GPR39: variants seen among roughly 807,000 people sequenced by gnomAD.
GPR39 encodes zinc sensing receptor.
Under a neutral mutation model 18.4 loss-of-function variants are expected in GPR39, and 23 were observed. The ratio of observed to expected loss-of-function variants is 1.25; its 90% CI spans 0.90 to 1.77. The LOEUF (loss-of-function observed/expected upper bound fraction) is 1.77, where lower values mean the gene tolerates loss of function less well. Ranked by LOEUF, GPR39 falls within the 40% of genes most tolerant of loss-of-function variation. The pLI, the probability that GPR39 is intolerant of heterozygous loss-of-function variation, is 0.00. For missense variants in GPR39, 647 were observed against 602.4 expected, an observed-to-expected ratio of 1.07 and a Z score of -0.78; for synonymous variants, 280 against 257.9, an observed-to-expected ratio of 1.09 and a Z score of -0.82.
rs1257382578 is a variant in GPR39, at chr2:132,645,365, T to C, written c.1121T>C (p.Leu374Pro). 1 of 1,613,800 alleles carries C rather than the reference T, an allele frequency of 6.2e-7. No individual in the cohort carries two copies. Among genetic ancestry groups the C allele is most frequent in the South Asian group, 1.1e-5 (1 of 91,072 alleles). Residue 374 changes from leucine (L) to proline (P), a missense_variant, in exon 2 of 2, where the codon CTG (leucine) becomes CCG (proline). Leu to Pro is a moderately conservative substitution (Grantham distance 98). This residue lies in a region of GPR39 where 581 missense variants were observed against 506.8 expected (regional missense o/e 1.15). Transcript: ENST00000329321. ...CAGCACGCCAACCACGAGAAGCGCCTGCGCGTACATGCGCACTCCACCACC... is the reference window on the plus strand; with the variant it reads ...CAGCACGCCAACCACGAGAAGCGCCCGCGCGTACATGCGCACTCCACCACC... ...SLQHANHEKRLRVHAHSTTDS... is the reference protein window; with the variant it reads ...SLQHANHEKRPRVHAHSTTDS...
chr2:132,517,630 C>G lies in GPR39; in HGVS notation c.856+99732C>G, dbSNP rs79405580. Reference sequence around the variant, plus strand: ...CAAAGGAACTGCTTAGATATGGTTACAGCATGCTACTTCTCATGGTAAATT... The same window carrying G: ...CAAAGGAACTGCTTAGATATGGTTAGAGCATGCTACTTCTCATGGTAAATT... On this transcript the variant is annotated intron_variant, in intron 1 of 1. Transcript: ENST00000329321. 1.9e-4 allele frequency among the ~76,000 whole-genome samples: 29 copies of G among 152,296 alleles called. No individual in the cohort carries two copies. In the East Asian group the frequency reaches 5.2e-3, roughly 27 times the overall value.
intron 1 of GPR39, among the ~76,000 whole-genome samples, chr2:132,555,600 C>T (rs1057183215): frequency 2.0e-5 from 3 of 152,164 alleles, no homozygotes; most frequent in Non-Finnish European, 4.4e-5. Flanking sequence ...CCAATGGAAG[C>T]TTTGATGCCT....
At chr2:132,536,433 CTGTT>C (rs1394381555) in intron 1 of GPR39, among the ~76,000 whole-genome samples, 15 of 152,260 alleles carry the variant, frequency 9.9e-5, no homozygotes, top group Admixed American at 7.2e-4. Context: ...GTCTGAGAGA[CTGTT>C]TGTTATAATT....
chr2:132,572,987 A>G (rs1275688230), intron 1 of GPR39, among the ~76,000 whole-genome samples: 1 of 152,192 alleles, frequency 6.6e-6, no homozygotes, highest in African/African-American at 2.4e-5. Context: ...ACCAGAAGAA[A>G]GAATGCTGAC....
At chr2:132,427,779 C>G (rs965546983) in intron 1 of GPR39, among the ~76,000 whole-genome samples, 2 of 149,604 alleles carry the variant, frequency 1.3e-5, no homozygotes, top group African/African-American at 2.4e-5. Flanking sequence ...TGTCCTGAGG[C>G]CTCGAACTCC....
At chr2:132,464,342 C>G (rs1365470666) in intron 1 of GPR39, among the ~76,000 whole-genome samples, 1 of 152,172 alleles carries the variant, frequency 6.6e-6, no homozygotes, top group South Asian at 2.1e-4. Context: ...TAGAGAAGCT[C>G]GTGTGCAGGA....
intron 1 of GPR39, among the ~76,000 whole-genome samples, chr2:132,607,688 G>A (rs995069319): frequency 1.3e-5 from 2 of 152,308 alleles, no homozygotes; most frequent in African/African-American, 4.8e-5. Flanking sequence ...GTTGACTTAT[G>A]TTTCAAAGGA....
In GPR39 at chr2:132,476,956, AG is replaced by A. The variant is rs547450483; in HGVS notation, c.856+59060del. 4.6e-5 allele frequency among the ~76,000 whole-genome samples: 7 copies of A among 152,230 alleles called. No individual in the cohort carries two copies. The South Asian group carries it at 1.5e-3, about 32-fold the overall frequency. On this transcript the variant is annotated intron_variant, in intron 1 of 1. Coordinates refer to ENST00000329321, the MANE Select transcript of GPR39 (RefSeq NM_001508.3). ...CCCAGTTGTTGCTGATGGCCTCTCC[AG>A]GCAGCCTCTGGGGAAGTGAGATTCA...
intron 1 of GPR39, among the ~76,000 whole-genome samples, chr2:132,446,132 C>A (rs1187257717): frequency 6.6e-6 from 1 of 152,166 alleles, no homozygotes; most frequent in Non-Finnish European, 1.5e-5. Flanking sequence ...TTAAAAAATT[C>A]TCTTAATTGG....
intron 1 of GPR39, among the ~76,000 whole-genome samples, chr2:132,459,727 T>A (rs866631239): frequency 2.0e-5 from 3 of 152,362 alleles, no homozygotes; most frequent in Non-Finnish European, 2.9e-5. Flanking sequence ...TGCATTATAT[T>A]TGACACATAC....
At chr2:132,623,919 C>T (rs1307560890) in intron 1 of GPR39, among the ~76,000 whole-genome samples, 1 of 152,160 alleles carries the variant, frequency 6.6e-6, no homozygotes, top group Admixed American at 6.5e-5. Flanking sequence ...GAGCAGCCCA[C>T]TCCCTTGACC....
intron 1 of GPR39, among the ~76,000 whole-genome samples, chr2:132,480,854 A>G (rs1036058637): frequency 7.2e-5 from 11 of 152,124 alleles, no homozygotes; most frequent in African/African-American, 1.9e-4. Context: ...TCATGTTTCT[A>G]TGTGTTTGAC....
chr2:132,493,109 C>T (rs1681536562), intron 1 of GPR39, among the ~76,000 whole-genome samples: 1 of 109,980 alleles, frequency 9.1e-6, no homozygotes, highest in South Asian at 2.9e-4. Flanking sequence ...ATATATATAC[C>T]ATATATACAC....
intron 1 of GPR39, among the ~76,000 whole-genome samples, chr2:132,561,934 A>G (rs1414857472): frequency 1.3e-5 from 2 of 152,150 alleles, no homozygotes; most frequent in East Asian, 3.9e-4. Context: ...CACATTAGGG[A>G]CAACTGTCAG....
intron 1 of GPR39, among the ~76,000 whole-genome samples, chr2:132,566,540 T>A (rs1680352552): frequency 6.6e-6 from 1 of 151,946 alleles, no homozygotes; most frequent in Non-Finnish European, 1.5e-5. Context: ...TCTCTAGGAG[T>A]TTTGTCCTAG....
chr2:132,495,178 T>C (rs1681616456), intron 1 of GPR39, among the ~76,000 whole-genome samples: 1 of 152,196 alleles, frequency 6.6e-6, no homozygotes, highest in Non-Finnish European at 1.5e-5. Context: ...ATAGCATATA[T>C]GCTGGCATGT....
intron 1 of GPR39, among the ~76,000 whole-genome samples, chr2:132,623,255 A>G (rs960086851): frequency 1.3e-5 from 2 of 152,190 alleles, no homozygotes; most frequent in Admixed American, 1.3e-4. Flanking sequence ...AGCCCCTGGG[A>G]TGGACGAGGG....
intron 1 of GPR39, among the ~76,000 whole-genome samples, chr2:132,494,052 G>A (rs1573630815): frequency 6.6e-6 from 1 of 152,144 alleles, no homozygotes; most frequent in Non-Finnish European, 1.5e-5. Context: ...CAGAAGGCAG[G>A]TTATGGGGGA....
At chr2:132,534,117 A>G (rs1347282313) in intron 1 of GPR39, among the ~76,000 whole-genome samples, 1 of 152,232 alleles carries the variant, frequency 6.6e-6, no homozygotes, top group Non-Finnish European at 1.5e-5. Context: ...AATATGCAGA[A>G]TCTATAATGA....
Sources: allele counts gnomAD v4.1 joint callset (sites outside exome capture counted in the v4.1 genomes callset), GRCh38; gene constraint gnomAD v4.1.1; regional missense constraint gnomAD v4.1.1; transcripts MANE v1.5; gene names NCBI Gene and HGNC (gene_info 2026-07-23, HGNC 2026-07-21).